Variants in RANBP3L observed in about 807,000 individuals in gnomAD.
RANBP3L encodes ran-binding protein 3-like.
RANBP3L carries 56 observed loss-of-function variants against 67.2 expected under a neutral mutation model. The ratio of observed to expected loss-of-function variants is 0.83; its 90% CI spans 0.67 to 1.04. RANBP3L has a LOEUF of 1.04. Among genes scored for constraint, RANBP3L ranks in the 50% least tolerant of loss-of-function variants. RANBP3L has a pLI of 0.00. For synonymous variants in RANBP3L, 164 were observed against 181.4 expected (o/e 0.90, Z 0.77); for missense variants, 496 against 535.5 (o/e 0.93, Z 0.73).
At position 36,257,498 on chromosome 5, in the gene RANBP3L, G is replaced by A. The variant is rs1431245459; in HGVS notation, c.728C>T (p.Pro243Leu). 1 of 1,598,936 alleles carries A rather than the reference G, an allele frequency of 6.3e-7. No homozygotes were observed. Among genetic ancestry groups the A allele is most frequent in the African/African-American group, 1.3e-5 (1 of 74,478 alleles). ...LENDSYAKEK[P>L]FKSIPKFPVN... The stretch of plus-strand genomic sequence containing the variant: ...AGGAAATTTCGGAATGGATTTGAAT[G>A]GTTTTTCCTTGGCATATGAATCATT... Residue 243 changes from proline (P) to leucine (L), a missense_variant, in exon 9 of 14, where the codon CCA becomes CTA. Coordinates refer to ENST00000296604, the MANE Select transcript of RANBP3L (RefSeq NM_145000.5).
Position 36,256,749 on chromosome 5 carries a change from G to A in RANBP3L, c.903+192C>T, listed in dbSNP as rs188142005. ...ACCTAACAACCCATTTTCCTGCCAG[G>A]TACACATACAAACACAAGAAGAAAA... On this transcript the variant is annotated intron_variant, in intron 10 of 13. Transcript: ENST00000296604. The A allele has an allele frequency of 9.5e-5, 53 of 560,806 alleles. 1 individual carries two copies. In the South Asian group the frequency reaches 1.5e-3, roughly 16 times the overall value. The allele number at this position is 560,806 out of a possible 1,614,324, so 34.7% of individuals were successfully genotyped here. A position where few individuals can be genotyped will look rare whatever the true frequency, so the allele number is the denominator to read the frequency against.
chr5:36,282,184 A>G (rs1751018479), intron 1 of RANBP3L, among the ~76,000 whole-genome samples: 2 of 152,202 alleles, frequency 1.3e-5, no homozygotes, highest in African/African-American at 4.8e-5. Context: ...AAATGCTCCC[A>G]TATGTTAAAA....
chr5:36,259,079 G>A (rs1182281169), intron 8 of RANBP3L, among the ~76,000 whole-genome samples: 1 of 152,152 alleles, frequency 6.6e-6, no homozygotes, highest in East Asian at 1.9e-4. Context: ...TGGCTAATCT[G>A]GTGTCAAACT....
intron 1 of RANBP3L, among the ~76,000 whole-genome samples, chr5:36,288,299 T>C (rs1286200914): frequency 2.0e-5 from 3 of 152,206 alleles, no homozygotes; most frequent in Non-Finnish European, 4.4e-5. Flanking sequence ...CATGGTTACA[T>C]GTATCAGTAA....
chr5:36,248,040 T>C lies in RANBP3L; in HGVS notation c.*1614A>G, dbSNP rs1748381407. Among the ~76,000 whole-genome samples, 1 of 152,244 alleles carries C rather than the reference T, an allele frequency of 6.6e-6. No homozygotes were observed. The highest frequency in any genetic ancestry group is 6.5e-5 in the Admixed American group (1 of 15,284). On this transcript the variant is annotated 3_prime_UTR_variant, in exon 14 of 14. Coordinates refer to ENST00000296604, the MANE Select transcript of RANBP3L (RefSeq NM_145000.5). The stretch of plus-strand genomic sequence containing the variant: ...CTTCTCCAAATATCTCTCTGTGTTA[T>C]GTTTCTAATGAAAATTTTCTGCTGA...
rs1038554916 is a variant in RANBP3L, at chr5:36,247,286, G to A, written c.*2368C>T. The stretch of plus-strand genomic sequence containing the variant: ...GAATTCTAAGAAAGAATAATGGAGT[G>A]TATAGAAAATGGGTTGAAAGAGTTG... On this transcript the variant is annotated 3_prime_UTR_variant, in exon 14 of 14. Coordinates refer to ENST00000296604, the MANE Select transcript of RANBP3L (RefSeq NM_145000.5). Among the ~76,000 whole-genome samples the A allele has an allele frequency of 3.3e-5, 5 of 152,286 alleles. No homozygotes were observed. The highest frequency in any genetic ancestry group is 1.2e-4 in the African/African-American group (5 of 41,550).
chr5:36,274,793 G>A (rs1750460425), intron 1 of RANBP3L, among the ~76,000 whole-genome samples: 1 of 151,998 alleles, frequency 6.6e-6, no homozygotes, highest in South Asian at 2.1e-4. Flanking sequence ...CTAAGGGAGA[G>A]GAAATAAGAA....
At chr5:36,277,985 T>C (rs1042386509) in intron 1 of RANBP3L, among the ~76,000 whole-genome samples, 1 of 152,084 alleles carries the variant, frequency 6.6e-6, no homozygotes, top group African/African-American at 2.4e-5. Context: ...GTGAGACTTA[T>C]TCACTACCAC....
chr5:36,287,561 G>T (rs887045810), intron 1 of RANBP3L, among the ~76,000 whole-genome samples: 20 of 152,056 alleles, frequency 1.3e-4, no homozygotes, highest in Non-Finnish European at 2.4e-4. Context: ...AGTCAGTTGT[G>T]GCTTTAAAAC....
rs536368071 is a variant in RANBP3L, at chr5:36,260,882, G to C, written c.585-18C>G. 4.0e-5 allele frequency: 43 copies of C among 1,076,524 alleles called. No individual in the cohort carries two copies. The East Asian group carries it at 6.8e-4, about 17-fold the overall frequency. The allele number at this position is 1,076,524 out of a possible 1,614,324, so 66.7% of individuals were successfully genotyped here. On this transcript the variant is annotated intron_variant, in intron 7 of 13. Coordinates refer to ENST00000296604, the MANE Select transcript of RANBP3L (RefSeq NM_145000.5). ...GTTGACATCTAAGAAAATGAAATAA[G>C]CATTTACTATTTTAAATACATAGAT...
Position 36,260,925 on chromosome 5 carries a change from T to G in RANBP3L, c.585-61A>C, listed in dbSNP as rs990222192. ...ACATAGATAAAGCCATTTTAAACCT[T>G]GAAATAATCAGATAATTTAATAGAT... On this transcript the variant is annotated intron_variant, in intron 7 of 13. Transcript: ENST00000296604. 2.8e-5 allele frequency: 19 copies of G among 689,186 alleles called. No individual in the cohort carries two copies. In the Admixed American group the frequency reaches 5.5e-4, roughly 20 times the overall value. The allele number at this position is 689,186 out of a possible 1,614,324, so 42.7% of individuals were successfully genotyped here.
intron 10 of RANBP3L, chr5:36,256,667 A>G (rs1471903806): frequency 2.5e-6 from 1 of 394,722 alleles, no homozygotes; most frequent in African/African-American, 2.1e-5. Flanking sequence ...AAAAGCAAGT[A>G]TTAAAGCAGG....
rs143481517 is a variant in RANBP3L at position 36,257,542 on chromosome 5, G to A, written c.684C>T (p.Leu228=). Residue 228 remains leucine (L), a synonymous_variant, in exon 9 of 14, where the codon CTC becomes CTT. Coordinates refer to ENST00000296604, the MANE Select transcript of RANBP3L (RefSeq NM_145000.5). ...MVERVLGTQK[L]TQPQLENDSY... ...AATCATTTTCAAGTTGAGGCTGGGT[G>A]AGTTTTTGAGTACCCTGAGAGCGGA... 5.3e-5 allele frequency: 82 copies of A among 1,538,044 alleles called. 1 individual carries two copies. The highest frequency in any genetic ancestry group is 6.9e-5 in the Non-Finnish European group (78 of 1,122,476).
chr5:36,283,910 C>T (rs960707091), intron 1 of RANBP3L, among the ~76,000 whole-genome samples: 2 of 152,010 alleles, frequency 1.3e-5, no homozygotes, highest in East Asian at 1.9e-4. Context: ...CATCCTGCCA[C>T]GATACAGGTC....
intron 4 of RANBP3L, among the ~76,000 whole-genome samples, chr5:36,269,148 A>G (rs968816941): frequency 1.3e-5 from 2 of 152,228 alleles, no homozygotes; most frequent in African/African-American, 4.8e-5. Flanking sequence ...CCTCTACTTA[A>G]GATAACCACT....
rs78367291 is a variant in RANBP3L at position 36,247,627 on chromosome 5, A to G, written c.*2027T>C. Among the ~76,000 whole-genome samples the G allele has an allele frequency of 0.06, 9,093 of 152,326 alleles. 383 individuals carry two copies. Among genetic ancestry groups the G allele is most frequent in the Non-Finnish European group, 0.085 (5,812 of 68,026 alleles). On this transcript the variant is annotated 3_prime_UTR_variant, in exon 14 of 14. Coordinates refer to ENST00000296604, the MANE Select transcript of RANBP3L (RefSeq NM_145000.5). ...ACCAGGTGTGGTGGCTCACGCCTGT[A>G]ATCCCAACACTTTGGGAGGCTGAGG...
chr5:36,269,223 A>G (rs1750033517), intron 4 of RANBP3L, among the ~76,000 whole-genome samples, 167 bp downstream of exon 4: 1 of 152,228 alleles, frequency 6.6e-6, no homozygotes, highest in Admixed American at 6.5e-5. Context: ...ATGTTTAAAT[A>G]CTGACTAACT....
Position 36,256,968 on chromosome 5 carries a change from C to T in RANBP3L, c.876G>A (p.Gly292=). 6.2e-7 allele frequency: 1 copy of T among 1,613,006 alleles called. No homozygotes were observed. The highest frequency in any genetic ancestry group is 1.1e-5 in the South Asian group (1 of 90,976). The change falls in exon 10 of 14, where the codon GGG becomes GGA. Residue 292 remains glycine, a synonymous_variant. Transcript: ENST00000296604. The part of the protein sequence containing the change: ...CLLEKIDVIT[G]EETEHNVLKI... ...TTAACACATTATGTTCTGTTTCCTC[C>T]CCTGTTATAACATCAATTTTCTCCA... is the stretch of plus-strand genomic sequence containing the variant.
In RANBP3L at chr5:36,261,961, A is replaced by T; in HGVS notation, c.562T>A (p.Phe188Ile). 1 of 1,585,482 alleles carries T rather than the reference A, an allele frequency of 6.3e-7. No individual in the cohort carries two copies. Among genetic ancestry groups the T allele is most frequent in the Non-Finnish European group, 8.6e-7 (1 of 1,156,968 alleles). ...ISVQLSTNQD[F>I]LGATSVGCQP... ...TACCCTACTGATGTTGCACCTAAAA[A>T]GTCCTGGTTAGTAGACAGCTGGACT... The change falls in exon 7 of 14, where the codon TTT becomes ATT. Residue 188 changes from phenylalanine (F) to isoleucine (I), a missense_variant. Physicochemically the swap from Phe to Ile is conservative, Grantham distance 21. Transcript: ENST00000296604.
Sources: allele counts gnomAD v4.1 joint callset (sites outside exome capture counted in the v4.1 genomes callset), GRCh38; gene constraint gnomAD v4.1.1; transcripts MANE v1.5; gene names NCBI Gene and HGNC (gene_info 2026-07-23, HGNC 2026-07-21).